DUS2: variants seen among roughly 807,000 people sequenced by gnomAD.
DUS2 encodes the protein dihydrouridine synthase 2, also known as tRNA-dihydrouridine(20) synthase [NAD(P)+]-like.
DUS2 carries 52 observed loss-of-function variants against 71.3 expected under a neutral mutation model. The observed-to-expected ratio is 0.73, with a 90% CI of 0.58 to 0.92. The LOEUF is 0.92. Ranked by LOEUF, DUS2 falls within the 40% of genes least tolerant of loss-of-function variation. DUS2 has a pLI of 0.00. For synonymous variants in DUS2, 204 were observed against 227.8 expected (o/e 0.90, Z 0.94); for missense variants, 558 against 622.6 (o/e 0.90, Z 1.10).
chr16:68,055,298 A>G (rs28441433), intron 6 of DUS2, among the ~76,000 whole-genome samples: 4,448 of 152,174 alleles, frequency 0.029, 202 homozygotes, highest in African/African-American at 0.1. Flanking sequence ...ACATAGGCAG[A>G]GCTCATCTCT....
chr16:68,078,278 C>T (rs2034186558), intron 15 of DUS2, 167 bp from the exon 16 acceptor site: 3 of 658,424 alleles, frequency 4.6e-6, no homozygotes, highest in Admixed American at 4.9e-5. Context: ...TGTATTTGTG[C>T]CTTTCTCCAC....
intron 9 of DUS2, 73 bp downstream of exon 9, chr16:68,066,455 T>C (rs564941595): frequency 1.3e-6 from 2 of 1,591,756 alleles, no homozygotes; most frequent in East Asian, 2.2e-5. Flanking sequence ...GAACGATTCT[T>C]GAGGTGCTAA....
intron 2 of DUS2, among the ~76,000 whole-genome samples, chr16:68,033,620 G>T (rs935264396): frequency 6.8e-6 from 1 of 147,686 alleles, no homozygotes; most frequent in Admixed American, 6.8e-5. Context: ...AAGTAGCTGA[G>T]ACTACAGGTG....
intron 3 of DUS2, among the ~76,000 whole-genome samples, chr16:68,041,688 T>G (rs2151415610): frequency 6.6e-6 from 1 of 151,972 alleles, no homozygotes; most frequent in East Asian, 1.9e-4. Flanking sequence ...GGTGCACACC[T>G]GTAATCCCAG....
At chr16:68,032,838 G>C (rs1468742177) in intron 2 of DUS2, among the ~76,000 whole-genome samples, 1 of 147,860 alleles carries the variant, frequency 6.8e-6, no homozygotes, top group African/African-American at 2.5e-5. Flanking sequence ...GAACCTGGGA[G>C]GTGGAGGTTG....
At chr16:68,058,263 C>T (rs1243434901) in intron 7 of DUS2, among the ~76,000 whole-genome samples, 3 of 148,308 alleles carry the variant, frequency 2.0e-5, no homozygotes, top group Non-Finnish European at 4.4e-5. Context: ...TCACTCTTGT[C>T]GTGCAGGCTG....
chr16:68,048,889 A>G (rs1423157014), intron 3 of DUS2, among the ~76,000 whole-genome samples: 2 of 152,068 alleles, frequency 1.3e-5, no homozygotes, highest in African/African-American at 2.4e-5. Context: ...CCTCCAGCAC[A>G]TAGGAGGTTT....
intron 7 of DUS2, among the ~76,000 whole-genome samples, chr16:68,057,420 A>G (rs1012889626): frequency 2.0e-5 from 3 of 151,132 alleles, no homozygotes; most frequent in African/African-American, 7.3e-5. Context: ...AGGGAAAACA[A>G]CTGAGACATA....
At chr16:68,024,854 G>C (rs1281559567) in intron 1 of DUS2, among the ~76,000 whole-genome samples, 3 of 137,118 alleles carry the variant, frequency 2.2e-5, no homozygotes, top group Non-Finnish European at 4.6e-5. Flanking sequence ...TTTTTTTATA[G>C]ACAGTCTCAC....
At chr16:68,055,253 G>C (rs2033835336) in intron 6 of DUS2, among the ~76,000 whole-genome samples, 1 of 152,052 alleles carries the variant, frequency 6.6e-6, no homozygotes, top group Non-Finnish European at 1.5e-5. Context: ...AAGACATATT[G>C]CTTCCTGAAT....
At position 68,079,072 on chromosome 16, in the gene DUS2, C is replaced by A; in HGVS notation, c.*86C>A. 1 of 1,253,882 alleles carries A rather than the reference C, an allele frequency of 8.0e-7. No individual in the cohort carries two copies. Among genetic ancestry groups the A allele is most frequent in the African/African-American group, 1.5e-5 (1 of 66,796 alleles). 77.7% of individuals were successfully genotyped at this position (1,253,882 alleles called of 1,614,324 possible). A position where few individuals can be genotyped will look rare whatever the true frequency, so the allele number is the denominator to read the frequency against. On this transcript the variant is annotated 3_prime_UTR_variant, in exon 17 of 17. Transcript: ENST00000565263. ...ACAGCATGAACCAGATGCCGTTGAA[C>A]AGTTTGCTGGTCTTGCCTGGCAGAA...
chr16:68,042,112 A>G (rs2033634361), intron 3 of DUS2, among the ~76,000 whole-genome samples: 1 of 152,218 alleles, frequency 6.6e-6, no homozygotes, highest in Non-Finnish European at 1.5e-5. Flanking sequence ...GTGGAATCAT[A>G]CAATATTTAT....
intron 11 of DUS2, among the ~76,000 whole-genome samples, chr16:68,070,530 A>G (rs1473975887): frequency 6.6e-6 from 1 of 152,072 alleles, no homozygotes; most frequent in African/African-American, 2.4e-5. Context: ...TCCTCTTGTC[A>G]TCACTAGGGT....
Position 68,049,513 on chromosome 16 carries a change from C to G in DUS2, c.135C>G (p.Ile45Met). 6.2e-7 allele frequency: 1 copy of G among 1,614,154 alleles called. No homozygotes were observed. The highest frequency in any genetic ancestry group is 8.5e-7 in the Non-Finnish European group (1 of 1,179,998). ...GADIVYCEELIDLKMIQCKRV... is the reference protein window; with the variant it reads ...GADIVYCEELMDLKMIQCKRV... ...CTCTGATTCCTCTGCAGGAGCTGAT[C>G]GACCTCAAGATGATTCAGTGCAAGA... Residue 45 changes from isoleucine (I) to methionine (M), a missense_variant, in exon 4 of 17, where the codon ATC (isoleucine) becomes ATG (methionine). Coordinates refer to ENST00000565263, the MANE Select transcript of DUS2 (RefSeq NM_017803.5).
intron 3 of DUS2, among the ~76,000 whole-genome samples, chr16:68,041,248 C>T (rs1171158685): frequency 2.6e-5 from 4 of 151,988 alleles, no homozygotes; most frequent in Admixed American, 2.6e-4. Context: ...AAGTCCTCAG[C>T]CTCTGGAGGA....
At chr16:68,055,144 A>G (rs891426404) in intron 6 of DUS2, among the ~76,000 whole-genome samples, 3 of 152,048 alleles carry the variant, frequency 2.0e-5, no homozygotes, top group Non-Finnish European at 4.4e-5. Flanking sequence ...CCCTCTATGC[A>G]TATTGGGGGG....
intron 3 of DUS2, among the ~76,000 whole-genome samples, chr16:68,043,402 G>A (rs1366925862): frequency 1.3e-5 from 2 of 150,884 alleles, no homozygotes; most frequent in East Asian, 2.0e-4. Flanking sequence ...GCAAGACTCC[G>A]TCTCAGGGAG....
intron 2 of DUS2, among the ~76,000 whole-genome samples, chr16:68,032,792 T>G (rs1295689922): frequency 6.8e-6 from 1 of 147,914 alleles, no homozygotes; most frequent in African/African-American, 2.5e-5. Flanking sequence ...TGGGTGCCTG[T>G]AATCCCAGCT....
intron 8 of DUS2, among the ~76,000 whole-genome samples, chr16:68,062,282 A>T (rs2033950959): frequency 1.3e-5 from 2 of 151,290 alleles, no homozygotes; most frequent in Admixed American, 6.6e-5. Context: ...AAGTGCTGGG[A>T]TTACAGATGT....
Sources: gnomAD v4.1 joint callset for allele counts (sites outside exome capture counted in the v4.1 genomes callset) on GRCh38, gnomAD v4.1.1 for gene constraint, MANE v1.5 for transcripts, NCBI Gene and HGNC (gene_info 2026-07-23, HGNC 2026-07-21) for gene names.